The following BBX variants were observed in gnomAD, a reference collection of about 807,000 sequenced individuals.
BBX encodes the protein HMG box transcription factor BBX.
Under a neutral mutation model 100.2 loss-of-function variants are expected in BBX, and 30 were observed. The ratio of observed to expected loss-of-function variants is 0.30; its 90% CI spans 0.22 to 0.41. BBX has a LOEUF of 0.41. Among genes scored for constraint, BBX ranks in the 10% least tolerant of loss-of-function variants. BBX has a pLI of 1.00. For synonymous variants in BBX, 376 were observed against 388.1 expected (o/e 0.97, Z 0.37); for missense variants, 1,023 against 1,129.8 (o/e 0.91, Z 1.35).
intron 2 of BBX, among the ~76,000 whole-genome samples, chr3:107,539,601 A>C (rs548924560): frequency 6.6e-6 from 1 of 152,158 alleles, no homozygotes; most frequent in Non-Finnish European, 1.5e-5. Context: ...TTAAAATGCT[A>C]TTCCCCTCAG....
At chr3:107,627,142 A>G (rs140022476) in intron 2 of BBX, among the ~76,000 whole-genome samples, 53 of 152,276 alleles carry the variant, frequency 3.5e-4, no homozygotes, top group Non-Finnish European at 6.8e-4. Context: ...TAGGAAGTGA[A>G]AATTATTGGT....
At chr3:107,802,442 G>A (rs1170805436) in intron 17 of BBX, among the ~76,000 whole-genome samples, 3 of 152,242 alleles carry the variant, frequency 2.0e-5, no homozygotes, top group African/African-American at 7.2e-5. Context: ...AATTCAGTGA[G>A]GTCTCTGAGG....
At chr3:107,616,005 C>CTTTTTTTTTTTTTTTTTTTTTTTTTTTT (rs59614452) in intron 2 of BBX, among the ~76,000 whole-genome samples, 1 of 19,248 alleles carries the variant, frequency 5.2e-5, no homozygotes, top group Non-Finnish European at 9.7e-5. Flanking sequence ...TACTCACCTG[C>CTTTTTTTTTTTTTTTTTTTTTTTTTTTT]TTTTTTTTTT....
At chr3:107,608,104 G>A (rs750803242) in intron 2 of BBX, among the ~76,000 whole-genome samples, 7 of 152,018 alleles carry the variant, frequency 4.6e-5, no homozygotes, top group South Asian at 2.1e-4. Flanking sequence ...GGTTGCCTGC[G>A]CTTGTGGGGT....
chr3:107,704,327 A>G (rs2061262975), intron 3 of BBX, among the ~76,000 whole-genome samples: 1 of 152,212 alleles, frequency 6.6e-6, no homozygotes, highest in Admixed American at 6.5e-5. Flanking sequence ...TCCAGAAACT[A>G]CTGTGCAGTA....
intron 7 of BBX, among the ~76,000 whole-genome samples, chr3:107,741,557 T>G (rs1264361579): frequency 6.6e-6 from 1 of 152,190 alleles, no homozygotes. Context: ...TTTTTCTCCC[T>G]TATTAAATAA....
At chr3:107,628,423 A>C (rs541395575) in intron 2 of BBX, among the ~76,000 whole-genome samples, 2 of 152,212 alleles carry the variant, frequency 1.3e-5, no homozygotes, top group South Asian at 4.1e-4. Context: ...AAAATAAAAT[A>C]TCTCTCAACT....
intron 2 of BBX, among the ~76,000 whole-genome samples, chr3:107,637,754 G>A (rs2056937811): frequency 6.6e-6 from 1 of 152,168 alleles, no homozygotes; most frequent in African/African-American, 2.4e-5. Flanking sequence ...CCAGCTGATG[G>A]CCTTTTGTGT....
chr3:107,798,966 CTG>C (rs2070085598), intron 16 of BBX, among the ~76,000 whole-genome samples: 1 of 151,434 alleles, frequency 6.6e-6, no homozygotes, highest in African/African-American at 2.4e-5. Context: ...CTGGCTAACA[CTG>C]TGAAACCCCA....
At chr3:107,612,651 C>T (rs1479515804) in intron 2 of BBX, among the ~76,000 whole-genome samples, 1 of 152,158 alleles carries the variant, frequency 6.6e-6, no homozygotes, top group Non-Finnish European at 1.5e-5. Context: ...CTGACACAAG[C>T]ACCCCTGTGG....
intron 3 of BBX, among the ~76,000 whole-genome samples, chr3:107,673,973 T>A (rs977617461): frequency 3.3e-5 from 5 of 152,176 alleles, no homozygotes; most frequent in African/African-American, 1.2e-4. Context: ...TGTGAACTGT[T>A]CTTTACAAGT....
At position 107,608,799 on chromosome 3, in the gene BBX, C is replaced by A. The variant is rs1348094850; in HGVS notation, c.-83-37037C>A. Among the ~76,000 whole-genome samples, 3 of 152,084 alleles carry A rather than the reference C, an allele frequency of 2.0e-5. No homozygotes were observed. The East Asian group carries it at 5.8e-4, about 29-fold the overall frequency. On this transcript the variant is annotated intron_variant, in intron 2 of 17. Transcript: ENST00000325805. ...TTCACTTCTTTGGTTAAATTAATTCCTGTGTGTTTAATTTTATTCATAGCT... is the reference window on the plus strand; with the variant it reads ...TTCACTTCTTTGGTTAAATTAATTCATGTGTGTTTAATTTTATTCATAGCT...
chr3:107,645,416 A>G (rs1197956022), intron 2 of BBX, among the ~76,000 whole-genome samples: 1 of 152,210 alleles, frequency 6.6e-6, no homozygotes, highest in Non-Finnish European at 1.5e-5. Context: ...AAGTATTAAT[A>G]TCTGAATCAC....
chr3:107,753,459 C>T (rs1000877561), intron 9 of BBX, among the ~76,000 whole-genome samples: 2 of 152,146 alleles, frequency 1.3e-5, no homozygotes, highest in Non-Finnish European at 2.9e-5. Flanking sequence ...AAAATGCTTC[C>T]CTGTACCTGT....
chr3:107,636,640 T>C lies in BBX; in HGVS notation c.-83-9196T>C, dbSNP rs998415846. Reference sequence around the variant, plus strand: ...CTTATAATTGGTGCCCCCGGAGTTGTATAGCACTGATTTCTGTGGGTTGCT... The same window carrying C: ...CTTATAATTGGTGCCCCCGGAGTTGCATAGCACTGATTTCTGTGGGTTGCT... On this transcript the variant is annotated intron_variant, in intron 2 of 17. Coordinates refer to ENST00000325805, the MANE Select transcript of BBX (RefSeq NM_001142568.3). Among the ~76,000 whole-genome samples, 8 of 152,364 alleles carry C rather than the reference T, an allele frequency of 5.3e-5. No homozygotes were observed. In the East Asian group the frequency reaches 1.5e-3, roughly 29 times the overall value.
At chr3:107,585,373 A>G (rs961666038) in intron 2 of BBX, among the ~76,000 whole-genome samples, 17 of 152,198 alleles carry the variant, frequency 1.1e-4, no homozygotes, top group African/African-American at 4.1e-4. Context: ...TGAAATTGAC[A>G]GTAGTCTGGT....
chr3:107,741,884 A>C (rs1443222592), intron 7 of BBX, among the ~76,000 whole-genome samples: 2 of 152,158 alleles, frequency 1.3e-5, no homozygotes, highest in African/African-American at 4.8e-5. Flanking sequence ...TTCTTTATCA[A>C]ATTCATGTGT....
chr3:107,706,030 T>TC (rs1327846401), intron 3 of BBX, among the ~76,000 whole-genome samples: 1 of 150,356 alleles, frequency 6.7e-6, no homozygotes, highest in Non-Finnish European at 1.5e-5. Context: ...TACTTTTTTT[T>TC]TTTTTTTTTT....
chr3:107,773,080 AAAG>A lies in BBX; in HGVS notation c.1365_1367del (p.Lys456del). 2 of 1,613,142 alleles carry A rather than the reference AAAG, an allele frequency of 1.2e-6. No homozygotes were observed. Among genetic ancestry groups the A allele is most frequent in the East Asian group, 2.2e-5 (1 of 44,882 alleles). On this transcript the variant is annotated inframe_deletion, in exon 11 of 18. Coordinates refer to ENST00000325805, the MANE Select transcript of BBX (RefSeq NM_001142568.3). The surrounding 1 kb of genome is among the most constrained non-coding windows in gnomAD (Gnocchi z 4.1). ...ACAAGCCAGAAAAGCTAAAAAAGAAAAAGAAGAAAAGCAAAATGGATCGACATG... is the reference window on the plus strand; with the variant it reads ...ACAAGCCAGAAAAGCTAAAAAAGAAAAAGAAAAGCAAAATGGATCGACATG...
Sources: gnomAD v4.1 joint callset for allele counts (sites outside exome capture counted in the v4.1 genomes callset) on GRCh38, gnomAD v4.1.1 for gene constraint, Gnocchi (gnomAD v3.1) non-coding constraint, MANE v1.5 for transcripts, NCBI Gene and HGNC (gene_info 2026-07-23, HGNC 2026-07-21) for gene names.